CASKIN1: variants seen among roughly 807,000 people sequenced by gnomAD.
The protein encoded by CASKIN1 is caskin-1.
A neutral mutation model predicts 117.5 loss-of-function variants in CASKIN1; 42 were observed. The observed-to-expected ratio is 0.36, with a 90% CI of 0.28 to 0.46. The LOEUF is 0.46. CASKIN1 is among the 20% of genes least tolerant of loss of function. The pLI is 1.00. For synonymous variants in CASKIN1, 1,148 were observed against 961.7 expected, an observed-to-expected ratio of 1.19 and a Z score of -3.59; for missense variants, 2,083 against 2,077.3, an observed-to-expected ratio of 1.00 and a Z score of -0.05.
At chr16:2,178,778 C>A (rs2093154445) in intron 19 of CASKIN1, 124 bp downstream of exon 19, 3 of 1,331,446 alleles carry the variant, frequency 2.3e-6, no homozygotes, top group Middle Eastern at 2.8e-4. Flanking sequence ...CGGAGCCCCG[C>A]TCACGGCACG....
chr16:2,179,918 G>C lies in CASKIN1; in HGVS notation c.3450C>G (p.Arg1150=). 1 of 1,605,356 alleles carries C rather than the reference G, an allele frequency of 6.2e-7. No individual in the cohort carries two copies. Among genetic ancestry groups the C allele is most frequent in the Non-Finnish European group, 8.5e-7 (1 of 1,176,430 alleles). Reference sequence around the variant, plus strand: ...CCTCCCGCTCCTTGGCCTTGGGCCTGCGCTTGACCGTGTCAGACTCGGTCA... The same window carrying C: ...CCTCCCGCTCCTTGGCCTTGGGCCTCCGCTTGACCGTGTCAGACTCGGTCA... ...FILTESDTVK[R]RPKAKEREAG... The change falls in exon 18 of 20, where the codon CGC becomes CGG. Residue 1150 remains arginine, a synonymous_variant. Transcript: ENST00000343516. The surrounding 1 kb of genome is among the most constrained non-coding windows in gnomAD (Gnocchi z 5.8).
In CASKIN1 at chr16:2,178,276, C is replaced by T. The variant is rs2093150204; in HGVS notation, c.*274G>A. ...CTGCCCCATCCCTGGTCCCGGGGCG[C>T]CCTCCCCTCCCGCGCGGGCAGGAGG... On this transcript the variant is annotated 3_prime_UTR_variant, in exon 20 of 20. Transcript: ENST00000343516. The T allele has an allele frequency of 5.0e-6, 2 of 399,582 alleles. No homozygotes were observed. The highest frequency in any genetic ancestry group is 2.2e-5 in the African/African-American group (1 of 45,890). The allele number at this position is 399,582 out of a possible 1,614,324, so 24.8% of individuals were successfully genotyped here.
rs1258122542 is a variant in CASKIN1, at chr16:2,177,518, GGA to G, written c.*1030_*1031del. The G allele has an allele frequency of 4.3e-6, 1 of 234,202 alleles. No homozygotes were observed. The highest frequency in any genetic ancestry group is 8.4e-6 in the Non-Finnish European group (1 of 118,752). 14.5% of individuals were successfully genotyped at this position (234,202 alleles called of 1,614,324 possible). On this transcript the variant is annotated 3_prime_UTR_variant, in exon 20 of 20. Coordinates refer to ENST00000343516, the MANE Select transcript of CASKIN1 (RefSeq NM_020764.4). The stretch of plus-strand genomic sequence containing the variant: ...TCAGTACTTCTTGGAGGGGGCAGGA[GGA>G]GAGAGGAAAAGGGAGGGCGAGAATG...
At position 2,185,211 on chromosome 16, in the gene CASKIN1, A is replaced by G. The variant is rs1399107569; in HGVS notation, c.1151-12T>C. On this transcript the variant is annotated splice_polypyrimidine_tract_variant and intron_variant, in intron 11 of 19. Transcript: ENST00000343516. ...GCTTCGGTCCCCACCTGCCAGCACA[A>G]GGGAGCAAGATGAGGCCAGTGCCGG... 3.1e-6 allele frequency: 5 copies of G among 1,611,324 alleles called. No homozygotes were observed. Among genetic ancestry groups the G allele is most frequent in the Middle Eastern group, 1.7e-4 (1 of 6,060 alleles).
chr16:2,179,002 C>G lies in CASKIN1; in HGVS notation c.4099G>C (p.Asp1367His), dbSNP rs2093156348. ...PAPPEGASPG[D>H]SARQKLEETS... ...TCCTCCAGTTTCTGCCGGGCGCTGT[C>G]CCCTGGCGAGGCGCCTTCGGGCGGG... Residue 1367 changes from aspartate (D) to histidine (H), a missense_variant, in exon 19 of 20, where the codon GAC becomes CAC. This residue lies in a region of CASKIN1 where 1,818 missense variants were observed against 1,688.9 expected (regional missense o/e 1.08). Transcript: ENST00000343516. The surrounding 1 kb of genome is among the most constrained non-coding windows in gnomAD (Gnocchi z 5.8). The G allele has an allele frequency of 5.6e-6, 7 of 1,245,818 alleles. No homozygotes were observed. The highest frequency in any genetic ancestry group is 7.1e-6 in the Non-Finnish European group (7 of 992,826). 77.2% of individuals were successfully genotyped at this position (1,245,818 alleles called of 1,614,324 possible). A position where few individuals can be genotyped will look rare whatever the true frequency, so the allele number is the denominator to read the frequency against.
rs1182557088 is a variant in CASKIN1 at position 2,178,079 on chromosome 16, G to C, written c.*471C>G. On this transcript the variant is annotated 3_prime_UTR_variant, in exon 20 of 20. Coordinates refer to ENST00000343516, the MANE Select transcript of CASKIN1 (RefSeq NM_020764.4). ...AAAGTTATACCTTTTTGTTTCTCTG[G>C]GGAAATCCGCCTCAGCTCATTCCCA... is the stretch of plus-strand genomic sequence containing the variant. 4.1e-6 allele frequency: 2 copies of C among 486,992 alleles called. No individual in the cohort carries two copies. Among genetic ancestry groups the C allele is most frequent in the Middle Eastern group, 4.1e-4 (1 of 2,412 alleles). The allele number at this position is 486,992 out of a possible 1,614,324, so 30.2% of individuals were successfully genotyped here. A position where few individuals can be genotyped will look rare whatever the true frequency, so the allele number is the denominator to read the frequency against.
intron 1 of CASKIN1, among the ~76,000 whole-genome samples, chr16:2,191,539 G>A (rs1333179975): frequency 1.3e-5 from 2 of 152,198 alleles, no homozygotes; most frequent in South Asian, 2.1e-4. Flanking sequence ...TAAAGCGTGC[G>A]CGGCCTGGCA....
chr16:2,178,577 G>C lies in CASKIN1; in HGVS notation c.4269C>G (p.Ala1423=), dbSNP rs764298665. The change falls in exon 20 of 20, where the codon GCC becomes GCG. Residue 1423 remains alanine (A), a synonymous_variant. Coordinates refer to ENST00000343516, the MANE Select transcript of CASKIN1 (RefSeq NM_020764.4). ...ACTCCAGCATGGCATCCAGCTGGTC[G>C]GCCAGGTCGTCGAACATGCTGCCGA... The part of the protein sequence containing the change: ...DDIGSMFDDL[A]DQLDAMLE 43 of 1,596,948 alleles carry C rather than the reference G, an allele frequency of 2.7e-5. No homozygotes were observed. In the South Asian group the frequency reaches 4.4e-4, roughly 16 times the overall value.
intron 1 of CASKIN1, among the ~76,000 whole-genome samples, chr16:2,192,225 G>A (rs1596694707): frequency 6.6e-6 from 1 of 152,120 alleles, no homozygotes; most frequent in Non-Finnish European, 1.5e-5. Context: ...CTTGAGCCCA[G>A]GAGGTTGAAG....
At chr16:2,195,045 G>T (rs1375629666) in intron 1 of CASKIN1, among the ~76,000 whole-genome samples, 1 of 152,186 alleles carries the variant, frequency 6.6e-6, no homozygotes, top group Non-Finnish European at 1.5e-5. Context: ...CCACTAGGTG[G>T]AAACCTTTAC....
chr16:2,183,090 C>A (rs1017503721), intron 16 of CASKIN1, among the ~76,000 whole-genome samples: 3 of 152,212 alleles, frequency 2.0e-5, no homozygotes, highest in African/African-American at 7.2e-5. Context: ...CCCGGCCGCA[C>A]CTCCGTGTTA....
chr16:2,186,890 C>T, intron 9 of CASKIN1, 66 bp from the exon 10 acceptor site: 3 of 1,604,172 alleles, frequency 1.9e-6, no homozygotes, highest in Non-Finnish European at 2.6e-6. Context: ...GCCCAGTGCC[C>T]CCCAGTTGCG....
chr16:2,194,997 C>T (rs529804106), intron 1 of CASKIN1, among the ~76,000 whole-genome samples: 13 of 152,228 alleles, frequency 8.5e-5, no homozygotes, highest in Non-Finnish European at 1.5e-4. Flanking sequence ...AGACTGAGGT[C>T]CACTGAGCTG....
At position 2,190,066 on chromosome 16, in the gene CASKIN1, G is replaced by A. The variant is rs941121355; in HGVS notation, c.244+7C>T. 1.9e-6 allele frequency: 3 copies of A among 1,610,854 alleles called. No individual in the cohort carries two copies. Among genetic ancestry groups the A allele is most frequent in the African/African-American group, 2.7e-5 (2 of 74,882 alleles). On this transcript the variant is annotated splice_region_variant and intron_variant, in intron 3 of 19. Coordinates refer to ENST00000343516, the MANE Select transcript of CASKIN1 (RefSeq NM_020764.4). ...TGCCCCCACCAGAGGCCCTCGGCTA[G>A]TCTTGCCTTTGTTGTCCTTGATGTC...
chr16:2,190,882 C>G (rs772046403), intron 1 of CASKIN1, among the ~76,000 whole-genome samples: 6 of 152,216 alleles, frequency 3.9e-5, no homozygotes, highest in Non-Finnish European at 7.3e-5. Context: ...TGGGCCACAG[C>G]CAGTGTGGAT....
In CASKIN1 at chr16:2,180,326, C is replaced by T; in HGVS notation, c.3042G>A (p.Gly1014=). 6.3e-7 allele frequency: 1 copy of T among 1,597,588 alleles called. No homozygotes were observed. Residue 1014 remains glycine, a synonymous_variant, in exon 18 of 20, where the codon GGG becomes GGA. Coordinates refer to ENST00000343516, the MANE Select transcript of CASKIN1 (RefSeq NM_020764.4). ...GCCTGCGGGCAGCCCGGCCCCCACC[C>T]CCAATGGAGGACAGCTCCAGCATGG... is the stretch of plus-strand genomic sequence containing the variant. ...IAAMLELSSI[G]GGGRAARRPP...
At chr16:2,188,463 GC>G (rs1158142283) in intron 6 of CASKIN1, among the ~76,000 whole-genome samples, 4 of 151,640 alleles carry the variant, frequency 2.6e-5, no homozygotes, top group Non-Finnish European at 2.9e-5. Context: ...TGATTCTCCT[GC>G]CTTAGCTTCC....
At position 2,178,415 on chromosome 16, in the gene CASKIN1, G is replaced by A; in HGVS notation, c.*135C>T. On this transcript the variant is annotated 3_prime_UTR_variant, in exon 20 of 20. Coordinates refer to ENST00000343516, the MANE Select transcript of CASKIN1 (RefSeq NM_020764.4). ...GTCCCCGGTGGGCGCCCCGGCCCGG[G>A]TCCAGGGGCCGGAGTTGTGCTTCTG... 1 of 600,088 alleles carries A rather than the reference G, an allele frequency of 1.7e-6. No individual in the cohort carries two copies. Among genetic ancestry groups the A allele is most frequent in the Non-Finnish European group, 2.6e-6 (1 of 383,648 alleles). The allele number at this position is 600,088 out of a possible 1,614,324, so 37.2% of individuals were successfully genotyped here. A position where few individuals can be genotyped will look rare whatever the true frequency, so the allele number is the denominator to read the frequency against.
rs751387277 is a variant in CASKIN1 at position 2,181,489 on chromosome 16, C to T, written c.1879G>A (p.Glu627Lys). Reference sequence around the variant, plus strand: ...GGCGGCGACTCGATGGCCATCACTTCAAGAGACTGGGGCGCCTTCCGGCGC... The same window carrying T: ...GGCGGCGACTCGATGGCCATCACTTTAAGAGACTGGGGCGCCTTCCGGCGC... ...PLRRKAPQSLEVMAIESPPPP... is the reference protein window; with the variant it reads ...PLRRKAPQSLKVMAIESPPPP... The change falls in exon 18 of 20, where the codon GAA becomes AAA. Residue 627 changes from glutamate (E) to lysine (K), a missense_variant. Physicochemically the swap from Glu to Lys is moderately conservative, Grantham distance 56 (BLOSUM62 1). Around this residue, in one of 3 missense-constraint regions of CASKIN1, gnomAD observed 1,818 missense variants for 1,688.9 expected, o/e 1.08. Transcript: ENST00000343516. The T allele has an allele frequency of 6.2e-7, 1 of 1,611,576 alleles. No individual in the cohort carries two copies. Among genetic ancestry groups the T allele is most frequent in the Non-Finnish European group, 8.5e-7 (1 of 1,179,742 alleles).
Sources: gnomAD v4.1 joint callset for allele counts (sites outside exome capture counted in the v4.1 genomes callset) on GRCh38, gnomAD v4.1.1 for gene constraint, gnomAD v4.1.1 regional missense constraint, Gnocchi (gnomAD v3.1) non-coding constraint, MANE v1.5 for transcripts, NCBI Gene and HGNC (gene_info 2026-07-23, HGNC 2026-07-21) for gene names.